The following SNTG2 variants were observed in gnomAD, a reference collection of about 807,000 sequenced individuals.
SNTG2 encodes the protein syntrophin gamma 2.
A neutral mutation model predicts 70.9 loss-of-function variants in SNTG2; 74 were observed. That is an observed-to-expected ratio of 1.04 (90% confidence interval 0.86 to 1.27). The LOEUF (loss-of-function observed/expected upper bound fraction) is 1.27, where lower values mean the gene tolerates loss of function less well. Among genes scored for constraint, SNTG2 ranks in the 50% most tolerant of loss-of-function variants. The pLI is 0.00. For missense variants in SNTG2, 717 were observed against 690.7 expected (o/e 1.04, Z -0.43); for synonymous variants, 278 against 273.8 (o/e 1.02, Z -0.15).
intron 13 of SNTG2, among the ~76,000 whole-genome samples, chr2:1,260,595 G>A (rs1310721815): frequency 6.6e-6 from 1 of 152,180 alleles, no homozygotes; most frequent in East Asian, 1.9e-4. Context: ...AACATTAACT[G>A]TGGTTTTCTC....
At chr2:1,290,437 C>G (rs1679945032) in intron 14 of SNTG2, among the ~76,000 whole-genome samples, 1 of 151,934 alleles carries the variant, frequency 6.6e-6, no homozygotes, top group African/African-American at 2.4e-5. Flanking sequence ...ACCTCAGCCT[C>G]CTGAGTAGCT....
chr2:1,138,164 A>G (rs947449097), intron 6 of SNTG2, among the ~76,000 whole-genome samples: 7 of 152,204 alleles, frequency 4.6e-5, no homozygotes, highest in African/African-American at 1.7e-4. Context: ...AGGGCTTCAC[A>G]GGGTCTCCCC....
Position 1,083,616 on chromosome 2 carries a change from A to G in SNTG2, c.171A>G (p.Gln57=), listed in dbSNP as rs189503863. 4.0e-4 allele frequency: 638 copies of G among 1,613,772 alleles called. 1 individual carries two copies. In the African/African-American group the frequency reaches 6.6e-3, roughly 17 times the overall value. The stretch of plus-strand genomic sequence containing the variant: ...AAGAGGTGCTGACAATTCAGAAACA[A>G]GATGTTGTCTGTGTGGGCGGAAGCC... The part of the protein sequence containing the change: ...LTKEVLTIQK[Q]DVVCVGGSHQ... Residue 57 remains glutamine, a synonymous_variant, in exon 2 of 17, where the codon CAA becomes CAG. Coordinates refer to ENST00000308624, the MANE Select transcript of SNTG2 (RefSeq NM_018968.4).
chr2:1,194,474 C>G (rs1436849799), intron 8 of SNTG2, among the ~76,000 whole-genome samples: 1 of 151,784 alleles, frequency 6.6e-6, no homozygotes, highest in African/African-American at 2.4e-5. Flanking sequence ...TTTCAGATTT[C>G]CTCAAAGGAC....
rs57714902 is a variant in SNTG2 at position 1,170,930 on chromosome 2, A to T, written c.500-2162A>T. ...CAACTTTTTGAGTGGCTGCCAAATT[A>T]TTTTCCACAGCAGCCGCACCATTTT... On this transcript the variant is annotated intron_variant, in intron 7 of 16. Transcript: ENST00000308624. Among the ~76,000 whole-genome samples the T allele has an allele frequency of 3.9e-3, 600 of 152,054 alleles. 3 individuals are homozygous for T. Among genetic ancestry groups the T allele is most frequent in the African/African-American group, 0.014 (583 of 41,464 alleles).
In SNTG2 at chr2:1,173,088, G is replaced by T. The variant is rs893023867; in HGVS notation, c.500-4G>T. ...TGGAAGGGACTTCTCTTGTTTTGCT[G>T]CAGGGTCCCCAGGGCCATCCAGCGA... On this transcript the variant is annotated splice_polypyrimidine_tract_variant and splice_region_variant and intron_variant, in intron 7 of 16. Coordinates refer to ENST00000308624, the MANE Select transcript of SNTG2 (RefSeq NM_018968.4). 9.3e-6 allele frequency: 15 copies of T among 1,613,290 alleles called. No homozygotes were observed. Among genetic ancestry groups the T allele is most frequent in the Non-Finnish European group, 1.3e-5 (15 of 1,179,606 alleles).
intron 9 of SNTG2, among the ~76,000 whole-genome samples, chr2:1,216,313 G>A (rs1674390408): frequency 6.6e-6 from 1 of 152,196 alleles, no homozygotes; most frequent in Admixed American, 6.5e-5. Flanking sequence ...CAGTGATGAT[G>A]AGCATTTTTT....
chr2:1,340,638 A>C (rs1452407261), intron 16 of SNTG2, among the ~76,000 whole-genome samples: 1 of 152,238 alleles, frequency 6.6e-6, no homozygotes, highest in Non-Finnish European at 1.5e-5. Flanking sequence ...CAAAAATAAA[A>C]TGTTTGACAT....
intron 4 of SNTG2, 62 bp downstream of exon 4, chr2:1,098,472 G>A: frequency 6.6e-7 from 1 of 1,519,390 alleles, no homozygotes; most frequent in South Asian, 1.1e-5. Context: ...ACAAATTACT[G>A]AAAATGATAA....
rs139330491 is a variant in SNTG2 at position 1,247,842 on chromosome 2, T to G, written c.1005+399T>G. ...TTTTAAAAGCTTTTATTCCCGGATGTCTCCCAAGTTTTATTTAAAAAATAA... is the reference window on the plus strand; with the variant it reads ...TTTTAAAAGCTTTTATTCCCGGATGGCTCCCAAGTTTTATTTAAAAAATAA... On this transcript the variant is annotated intron_variant, in intron 12 of 16. Coordinates refer to ENST00000308624, the MANE Select transcript of SNTG2 (RefSeq NM_018968.4). Among the ~76,000 whole-genome samples, 332 of 152,196 alleles carry G rather than the reference T, an allele frequency of 2.2e-3. 5 individuals are homozygous for G. The highest frequency in any genetic ancestry group is 7.3e-3 in the African/African-American group (303 of 41,532).
chr2:956,043 GCCC>G (rs376327161), intron 1 of SNTG2, among the ~76,000 whole-genome samples: 2 of 107,940 alleles, frequency 1.9e-5, no homozygotes, highest in Admixed American at 1.2e-4. Flanking sequence ...CCCTGCCCCT[GCCC>G]CTGCCCCTGC....
At chr2:1,263,925 A>T (rs531527437) in intron 13 of SNTG2, among the ~76,000 whole-genome samples, 1 of 152,246 alleles carries the variant, frequency 6.6e-6, no homozygotes, top group Admixed American at 6.5e-5. Flanking sequence ...TTCTTCTATT[A>T]TAATACACAG....
intron 3 of SNTG2, 27 bp downstream of exon 3, chr2:1,098,279 G>T: frequency 1.2e-6 from 2 of 1,613,546 alleles, no homozygotes; most frequent in Non-Finnish European, 8.5e-7. Context: ...CTCTATTCCT[G>T]CTTTTTATTT....
At chr2:1,251,493 G>T (rs1336729800) in intron 12 of SNTG2, among the ~76,000 whole-genome samples, 1 of 93,918 alleles carries the variant, frequency 1.1e-5, no homozygotes, top group Non-Finnish European at 2.1e-5. Flanking sequence ...CACACCACAC[G>T]CACACCACAT....
At chr2:1,063,678 G>A (rs1662968365) in intron 1 of SNTG2, among the ~76,000 whole-genome samples, 1 of 152,088 alleles carries the variant, frequency 6.6e-6, no homozygotes, top group Non-Finnish European at 1.5e-5. Context: ...TATGTCATTG[G>A]GCTTAACTGA....
intron 16 of SNTG2, among the ~76,000 whole-genome samples, chr2:1,347,279 T>A (rs2148301074): frequency 6.6e-6 from 1 of 152,084 alleles, no homozygotes; most frequent in East Asian, 1.9e-4. Flanking sequence ...TTGAGAGGGG[T>A]TAGAGCTCCA....
chr2:1,257,985 A>G (rs890661187), intron 12 of SNTG2, among the ~76,000 whole-genome samples: 1 of 152,198 alleles, frequency 6.6e-6, no homozygotes, highest in Non-Finnish European at 1.5e-5. Flanking sequence ...ACAGCCTTCA[A>G]AAATAAGCAG....
At chr2:998,845 C>A (rs1196047040) in intron 1 of SNTG2, among the ~76,000 whole-genome samples, 1 of 151,984 alleles carries the variant, frequency 6.6e-6, no homozygotes, top group Non-Finnish European at 1.5e-5. Context: ...ATTACACTAT[C>A]CAAAGACAAT....
intron 16 of SNTG2, among the ~76,000 whole-genome samples, chr2:1,358,704 T>A (rs982952524): frequency 3.9e-5 from 6 of 152,166 alleles, no homozygotes; most frequent in African/African-American, 1.4e-4. Context: ...GCTTTTGTAG[T>A]TGAAGAAGAT....
Sources: gnomAD v4.1 joint callset for allele counts (sites outside exome capture counted in the v4.1 genomes callset) on GRCh38, gnomAD v4.1.1 for gene constraint, MANE v1.5 for transcripts, NCBI Gene and HGNC (gene_info 2026-07-23, HGNC 2026-07-21) for gene names.